Variants in ZNF804A observed in about 807,000 individuals in gnomAD.
ZNF804A encodes zinc finger protein 804A.
Under a neutral mutation model 16.5 loss-of-function variants are expected in ZNF804A, and 2 were observed. That is an observed-to-expected ratio of 0.12 (90% confidence interval 0.05 to 0.38). The LOEUF (loss-of-function observed/expected upper bound fraction) is 0.38, where lower values mean the gene tolerates loss of function less well. ZNF804A is among the 10% of genes least tolerant of loss of function. The pLI is 0.99. For missense variants in ZNF804A, 1,473 were observed against 1,390.7 expected, an observed-to-expected ratio of 1.06 and a Z score of -0.94; for synonymous variants, 534 against 489.6, an observed-to-expected ratio of 1.09 and a Z score of -1.20.
At chr2:184,732,738 A>T (rs1344666893) in intron 1 of ZNF804A, among the ~76,000 whole-genome samples, 1 of 152,064 alleles carries the variant, frequency 6.6e-6, no homozygotes, top group African/African-American at 2.4e-5. Context: ...ATAGATATAT[A>T]TTTTTTAAGT....
intron 1 of ZNF804A, among the ~76,000 whole-genome samples, chr2:184,791,291 C>A (rs1181579491): frequency 6.6e-6 from 1 of 152,088 alleles, no homozygotes; most frequent in Non-Finnish European, 1.5e-5. Flanking sequence ...ATTTCCTTTG[C>A]TGATGGTGAC....
intron 1 of ZNF804A, among the ~76,000 whole-genome samples, chr2:184,606,860 C>G (rs1050469887): frequency 1.3e-4 from 19 of 150,908 alleles, no homozygotes; most frequent in Non-Finnish European, 2.8e-4. Flanking sequence ...CACACATACA[C>G]ACACACACAC....
intron 1 of ZNF804A, among the ~76,000 whole-genome samples, chr2:184,732,252 A>ACT (rs1553532858): frequency 2.0e-5 from 3 of 149,092 alleles, no homozygotes; most frequent in Admixed American, 6.7e-5. Context: ...GTTTAAACTC[A>ACT]TTTTTTTTTT....
intron 1 of ZNF804A, among the ~76,000 whole-genome samples, chr2:184,604,341 T>G (rs1293557862): frequency 3.3e-5 from 5 of 151,634 alleles, no homozygotes; most frequent in Non-Finnish European, 7.4e-5. Context: ...CGGCTAATTT[T>G]TTTTTGTATT....
intron 1 of ZNF804A, among the ~76,000 whole-genome samples, chr2:184,833,953 A>C (rs965921795): frequency 6.6e-6 from 1 of 152,054 alleles, no homozygotes; most frequent in African/African-American, 2.4e-5. Flanking sequence ...TTTGTAAGTA[A>C]TGAATATTTT....
chr2:184,883,241 T>TG (rs1684836877), intron 2 of ZNF804A, among the ~76,000 whole-genome samples: 1 of 152,078 alleles, frequency 6.6e-6, no homozygotes, highest in Admixed American at 6.6e-5. Context: ...ATTGAATCCC[T>TG]GAACTGATCA....
chr2:184,633,263 G>A (rs192921154), intron 1 of ZNF804A, among the ~76,000 whole-genome samples: 2 of 152,266 alleles, frequency 1.3e-5, no homozygotes, highest in East Asian at 3.9e-4. Flanking sequence ...GCAGATACAT[G>A]TATCTATTGC....
chr2:184,769,167 G>C (rs774569865), intron 1 of ZNF804A, among the ~76,000 whole-genome samples: 2 of 151,974 alleles, frequency 1.3e-5, no homozygotes, highest in African/African-American at 2.4e-5. Context: ...AGTGCCTCTG[G>C]AGAATGACCT....
Position 184,936,452 on chromosome 2 carries a change from T to A in ZNF804A, c.1056T>A (p.Ser352Arg). ...INEDIPVSGN[S>R]FELLGNKSTV... is the part of the protein sequence containing the mutation. ...AAGACATACCTGTTAGTGGTAACAGTTTTGAGTTGTTAGGAAATAAATCCA... is the reference window on the plus strand; with the variant it reads ...AAGACATACCTGTTAGTGGTAACAGATTTGAGTTGTTAGGAAATAAATCCA... The change falls in exon 4 of 4, where the codon AGT becomes AGA. Residue 352 changes from serine (S) to arginine (R), a missense_variant. Physicochemically the swap from Ser to Arg is moderately radical, Grantham distance 110. Transcript: ENST00000302277. 6.2e-7 allele frequency: 1 copy of A among 1,613,832 alleles called. No individual in the cohort carries two copies. The highest frequency in any genetic ancestry group is 8.5e-7 in the Non-Finnish European group (1 of 1,179,908).
At chr2:184,723,328 C>T (rs1000545757) in intron 1 of ZNF804A, among the ~76,000 whole-genome samples, 1 of 151,738 alleles carries the variant, frequency 6.6e-6, no homozygotes, top group African/African-American at 2.4e-5. Flanking sequence ...GATTGACATA[C>T]AAGAATTTTC....
At chr2:184,681,368 A>T (rs1692536683) in intron 1 of ZNF804A, among the ~76,000 whole-genome samples, 1 of 152,234 alleles carries the variant, frequency 6.6e-6, no homozygotes, top group South Asian at 2.1e-4. Context: ...AGACAGCCCC[A>T]ATGATGCTAG....
At chr2:184,787,368 A>G (rs928702445) in intron 1 of ZNF804A, among the ~76,000 whole-genome samples, 3 of 151,872 alleles carry the variant, frequency 2.0e-5, no homozygotes, top group Admixed American at 6.6e-5. Flanking sequence ...TTGGGTAGGT[A>G]TCTAGTAGTG....
intron 1 of ZNF804A, among the ~76,000 whole-genome samples, chr2:184,646,324 G>A (rs891466274): frequency 5.3e-5 from 8 of 152,212 alleles, no homozygotes; most frequent in African/African-American, 1.9e-4. Flanking sequence ...CTCTTCGGCA[G>A]TGAGACTTGC....
At chr2:184,935,609 G>A (rs1685771389) in intron 3 of ZNF804A, among the ~76,000 whole-genome samples, 174 bp from the exon 4 acceptor site, 1 of 152,058 alleles carries the variant, frequency 6.6e-6, no homozygotes, top group African/African-American at 2.4e-5. Flanking sequence ...TAACCAACAA[G>A]TAAATGATAT....
intron 1 of ZNF804A, among the ~76,000 whole-genome samples, chr2:184,739,790 C>T (rs1035873224): frequency 1.3e-5 from 2 of 152,176 alleles, no homozygotes. Context: ...ATCTCCCCTG[C>T]TCTTCAGATC....
Position 184,737,233 on chromosome 2 carries a change from A to AT in ZNF804A, c.112-129127dup, listed in dbSNP as rs531927966. On this transcript the variant is annotated intron_variant, in intron 1 of 3. Coordinates refer to ENST00000302277, the MANE Select transcript of ZNF804A (RefSeq NM_194250.2). ...CACCATGCCCGGTTAATTTTTTTCT[A>AT]TTTTTTTTTAGTAGAGACAGGGTTT... Among the ~76,000 whole-genome samples, 408 of 147,764 alleles carry AT rather than the reference A, an allele frequency of 2.8e-3. 2 individuals are homozygous for AT. Among genetic ancestry groups the AT allele is most frequent in the Non-Finnish European group, 4.1e-3 (271 of 66,668 alleles).
chr2:184,817,075 CA>C (rs1694994145), intron 1 of ZNF804A, among the ~76,000 whole-genome samples: 1 of 151,816 alleles, frequency 6.6e-6, no homozygotes, highest in South Asian at 2.1e-4. Context: ...AAAAGGAAAG[CA>C]AGAAGACCAG....
At position 184,636,651 on chromosome 2, in the gene ZNF804A, C is replaced by G. The variant is rs77536557; in HGVS notation, c.111+37581C>G. Among the ~76,000 whole-genome samples, 17 of 151,710 alleles carry G rather than the reference C, an allele frequency of 1.1e-4. No individual in the cohort carries two copies. In the East Asian group the frequency reaches 2.9e-3, roughly 26 times the overall value. On this transcript the variant is annotated intron_variant, in intron 1 of 3. Coordinates refer to ENST00000302277, the MANE Select transcript of ZNF804A (RefSeq NM_194250.2). ...TTGTTCCAAAGCAGTGTGTGTACTT[C>G]ACTGTTTTTTTCTTTATTATTTGTC... is the stretch of plus-strand genomic sequence containing the variant.
intron 2 of ZNF804A, among the ~76,000 whole-genome samples, chr2:184,879,837 C>T (rs1684781088): frequency 6.6e-6 from 1 of 152,022 alleles, no homozygotes; most frequent in African/African-American, 2.4e-5. Context: ...GCTACTGAAA[C>T]ATCTGGTAGA....
Sources: gnomAD v4.1 joint callset for allele counts (sites outside exome capture counted in the v4.1 genomes callset) on GRCh38, gnomAD v4.1.1 for gene constraint, MANE v1.5 for transcripts, NCBI Gene and HGNC (gene_info 2026-07-23, HGNC 2026-07-21) for gene names.